Variants in NDUFA10 observed in about 807,000 individuals in gnomAD.
The protein encoded by NDUFA10 is NADH:ubiquinone oxidoreductase subunit A10, also known as NADH dehydrogenase [ubiquinone] 1 alpha subcomplex subunit 10, mitochondrial.
A neutral mutation model predicts 47.8 loss-of-function variants in NDUFA10; 40 were observed. The observed-to-expected ratio is 0.84, with a 90% CI of 0.65 to 1.09. The LOEUF (loss-of-function observed/expected upper bound fraction) is 1.09, where lower values mean the gene tolerates loss of function less well. Among genes scored for constraint, NDUFA10 ranks in the 50% least tolerant of loss-of-function variants. NDUFA10 has a pLI of 0.00. For synonymous variants in NDUFA10, 183 were observed against 172.2 expected (o/e 1.06, Z -0.49); for missense variants, 413 against 451.1 (o/e 0.92, Z 0.76).
intron 5 of NDUFA10, chr2:239,895,193 C>T: frequency 2.2e-6 from 1 of 446,394 alleles, no homozygotes; most frequent in Non-Finnish European, 4.7e-6. Flanking sequence ...GCCTCTGCCC[C>T]AACTCACTTA....
At chr2:239,975,647 TCAG>T (rs1695488545) in intron 9 of NDUFA10, among the ~76,000 whole-genome samples, 1 of 152,206 alleles carries the variant, frequency 6.6e-6, no homozygotes, top group African/African-American at 2.4e-5. Flanking sequence ...ACCACTGCGA[TCAG>T]CAGCAGAAGT....
At chr2:239,920,924 G>A (rs765638725) in intron 4 of NDUFA10, among the ~76,000 whole-genome samples, 4 of 152,098 alleles carry the variant, frequency 2.6e-5, no homozygotes, top group Non-Finnish European at 4.4e-5. Context: ...TCCCCAGGTG[G>A]GCAGGTTTCT....
intron 4 of NDUFA10, among the ~76,000 whole-genome samples, chr2:239,905,760 G>C (rs889878207): frequency 6.7e-6 from 1 of 149,992 alleles, no homozygotes; most frequent in Non-Finnish European, 1.5e-5. Flanking sequence ...TCTGCCAAGG[G>C]ATGAGGCTAA....
intron 4 of NDUFA10, among the ~76,000 whole-genome samples, chr2:239,911,149 A>G (rs909948314): frequency 1.3e-5 from 2 of 152,154 alleles, no homozygotes; most frequent in African/African-American, 4.8e-5. Flanking sequence ...AATGGGTTCT[A>G]TGTGTCCTCC....
chr2:240,019,058 G>A (rs1697494538), intron 3 of NDUFA10, among the ~76,000 whole-genome samples: 1 of 151,976 alleles, frequency 6.6e-6, no homozygotes, highest in African/African-American at 2.4e-5. Flanking sequence ...CAGCCCCGAC[G>A]GACACTTGTG....
rs1697345293 is a variant in NDUFA10 at position 240,016,311 on chromosome 2, G to A, written c.548-1451C>T. 6.6e-6 allele frequency among the ~76,000 whole-genome samples: 1 copy of A among 152,160 alleles called. No individual in the cohort carries two copies. Among genetic ancestry groups the A allele is most frequent in the Non-Finnish European group, 1.5e-5 (1 of 68,034 alleles). ...GGTCTGCTTCCTGACTGCTGGACCG[G>A]TAGCAGGCCGGTCTCTCCTGCTGCT... On this transcript the variant is annotated intron_variant, in intron 4 of 9. Coordinates refer to ENST00000252711, the MANE Select transcript of NDUFA10 (RefSeq NM_004544.4). This position sits in a 1 kb window ranked among gnomAD's most constrained non-coding sequence, Gnocchi z 4.4.
intron 4 of NDUFA10, among the ~76,000 whole-genome samples, chr2:239,950,631 C>A (rs930271215): frequency 2.6e-5 from 4 of 152,190 alleles, no homozygotes; most frequent in African/African-American, 9.7e-5. Flanking sequence ...CAAAGCAAAC[C>A]AACTGCTGAT....
At chr2:239,947,407 C>T (rs1299683997) in intron 4 of NDUFA10, among the ~76,000 whole-genome samples, 6 of 152,234 alleles carry the variant, frequency 3.9e-5, no homozygotes, top group Admixed American at 3.9e-4. Context: ...CTGCACGCCC[C>T]GCTGGGCTTC....
At chr2:239,976,163 C>A (rs4149554) in intron 9 of NDUFA10, among the ~76,000 whole-genome samples, 121,033 of 151,712 alleles carry the variant, frequency 0.8, 48,532 homozygotes, top group Non-Finnish European at 0.84. Context: ...ACTGCAATTC[C>A]AGGCTTGGTT....
At chr2:239,993,898 A>C (rs536018415) in intron 8 of NDUFA10, among the ~76,000 whole-genome samples, 1 of 152,182 alleles carries the variant, frequency 6.6e-6, no homozygotes, top group Non-Finnish European at 1.5e-5. Flanking sequence ...AGACGGCAGG[A>C]GGGAAGGCAA....
intron 4 of NDUFA10, among the ~76,000 whole-genome samples, chr2:239,915,132 AG>A (rs1693833263): frequency 7.6e-6 from 1 of 131,022 alleles, no homozygotes; most frequent in East Asian, 2.2e-4. Flanking sequence ...ACACATACAC[AG>A]ACACACACAA....
At chr2:239,993,735 G>C (rs755697132) in intron 8 of NDUFA10, among the ~76,000 whole-genome samples, 12 of 152,314 alleles carry the variant, frequency 7.9e-5, no homozygotes, top group South Asian at 6.2e-4. Flanking sequence ...AGCAGTGTTA[G>C]AGACAAGGGA....
At chr2:239,942,230 G>A (rs181317096) in intron 4 of NDUFA10, among the ~76,000 whole-genome samples, 20 of 152,324 alleles carry the variant, frequency 1.3e-4, no homozygotes, top group African/African-American at 4.6e-4. Context: ...CTTTCCTCTA[G>A]GGCAGCGGTG....
downstream of NDUFA10, among the ~76,000 whole-genome samples, chr2:239,954,122 C>A (rs1374726943): frequency 6.7e-6 from 1 of 149,180 alleles, no homozygotes; most frequent in Non-Finnish European, 1.5e-5. Context: ...AGTGACCACC[C>A]CAGGACTGTG....
chr2:239,948,589 C>A (rs767495136), intron 4 of NDUFA10, among the ~76,000 whole-genome samples: 4 of 152,270 alleles, frequency 2.6e-5, no homozygotes, highest in Middle Eastern at 3.2e-3. Flanking sequence ...AAGCCCCAGC[C>A]ATCTTGAAAG....
chr2:239,934,837 C>T (rs1694238280), intron 4 of NDUFA10, among the ~76,000 whole-genome samples: 1 of 152,174 alleles, frequency 6.6e-6, no homozygotes, highest in South Asian at 2.1e-4. Context: ...TCCGCCCCCA[C>T]CCGTTTTCCA....
chr2:239,972,653 ATTTTT>A (rs1257998373), intron 9 of NDUFA10, among the ~76,000 whole-genome samples: 1 of 152,170 alleles, frequency 6.6e-6, no homozygotes, highest in Non-Finnish European at 1.5e-5. Flanking sequence ...CAAAAACCAT[ATTTTT>A]ATTTTGAAAA....
At chr2:239,963,850 G>A (rs1303224036) in intron 9 of NDUFA10, among the ~76,000 whole-genome samples, 3 of 152,196 alleles carry the variant, frequency 2.0e-5, no homozygotes, top group Admixed American at 6.5e-5. Flanking sequence ...AGGGACTGAG[G>A]AGTGAGGCAC....
chr2:239,997,392 A>C (rs1696523374), intron 8 of NDUFA10, among the ~76,000 whole-genome samples: 1 of 152,262 alleles, frequency 6.6e-6, no homozygotes, highest in Non-Finnish European at 1.5e-5. Flanking sequence ...ATTGAAGTTT[A>C]GTGTTTATAA....
Sources: allele counts gnomAD v4.1 joint callset (sites outside exome capture counted in the v4.1 genomes callset), GRCh38; gene constraint gnomAD v4.1.1; non-coding constraint Gnocchi (gnomAD v3.1); transcripts MANE v1.5; gene names NCBI Gene and HGNC (gene_info 2026-07-23, HGNC 2026-07-21).